The following JMJD1C variants were observed in gnomAD, a reference collection of about 807,000 sequenced individuals.
JMJD1C encodes the protein jumonji domain containing 1C, also known as jumonji domain-containing protein 1C.
JMJD1C carries 31 observed loss-of-function variants against 245.3 expected under a neutral mutation model. That is an observed-to-expected ratio of 0.13 (90% CI 0.09 to 0.17). The LOEUF (loss-of-function observed/expected upper bound fraction) is 0.17. JMJD1C is among the 10% of genes least tolerant of loss of function. The probability of loss-of-function intolerance (pLI) is 1.00; values close to 1 mark genes in which losing one functional copy is unlikely to be tolerated. For missense variants in JMJD1C, 2,691 were observed against 3,000.2 expected (o/e 0.90, Z 2.41); for synonymous variants, 1,057 against 1,017.4 (o/e 1.04, Z -0.74).
intron 3 of JMJD1C, among the ~76,000 whole-genome samples, chr10:63,250,192 T>C (rs568184403): frequency 6.6e-6 from 1 of 152,166 alleles, no homozygotes; most frequent in African/African-American, 2.4e-5. Context: ...GCTGATTTTA[T>C]TTTTTTGTAG....
chr10:63,355,744 T>C (rs1449527572), intron 2 of JMJD1C, among the ~76,000 whole-genome samples: 1 of 146,144 alleles, frequency 6.8e-6, no homozygotes, highest in East Asian at 2.0e-4. Flanking sequence ...AGTTACTTAT[T>C]AAAAAAAAAA....
chr10:63,169,228 T>C (rs896653477), intron 24 of JMJD1C, among the ~76,000 whole-genome samples: 1 of 152,158 alleles, frequency 6.6e-6, no homozygotes, highest in Admixed American at 6.6e-5. Flanking sequence ...CCAAACAGTT[T>C]TCCCAAGAAG....
intron 2 of JMJD1C, among the ~76,000 whole-genome samples, chr10:63,334,904 C>T (rs563700918): frequency 3.9e-5 from 6 of 152,050 alleles, no homozygotes; most frequent in Non-Finnish European, 8.8e-5. Context: ...GACAGGGTTT[C>T]ACCATGTTGG....
intron 2 of JMJD1C, among the ~76,000 whole-genome samples, chr10:63,376,350 C>T (rs1946741076): frequency 6.6e-6 from 1 of 152,076 alleles, no homozygotes. Flanking sequence ...GGAAAAGCTT[C>T]ATGACATGGA....
chr10:63,455,540 T>C (rs892266061), intron 1 of JMJD1C, among the ~76,000 whole-genome samples: 1 of 152,328 alleles, frequency 6.6e-6, no homozygotes, highest in African/African-American at 2.4e-5. Flanking sequence ...ACACACTGGA[T>C]TCTTATTTAC....
At chr10:63,485,797 T>C (rs2133201078) in intron 1 of JMJD1C, among the ~76,000 whole-genome samples, 1 of 152,296 alleles carries the variant, frequency 6.6e-6, no homozygotes, top group Non-Finnish European at 1.5e-5. Flanking sequence ...TTAACTTACT[T>C]AGTAAATACT....
intron 1 of JMJD1C, among the ~76,000 whole-genome samples, chr10:63,434,023 G>A (rs894352806): frequency 4.6e-5 from 7 of 151,872 alleles, no homozygotes; most frequent in Non-Finnish European, 7.4e-5. Flanking sequence ...CAGTATAAAC[G>A]TATCAAGAGA....
chr10:63,428,746 T>C (rs928147652), intron 1 of JMJD1C, among the ~76,000 whole-genome samples: 11 of 152,326 alleles, frequency 7.2e-5, no homozygotes, highest in Middle Eastern at 6.8e-3. Flanking sequence ...AAAATGCTAA[T>C]TGTTCAATAC....
At chr10:63,479,074 A>C (rs1458997656) in intron 1 of JMJD1C, among the ~76,000 whole-genome samples, 2 of 152,178 alleles carry the variant, frequency 1.3e-5, no homozygotes, top group Non-Finnish European at 2.9e-5. Flanking sequence ...TAGACACTGA[A>C]TTATATCACT....
chr10:63,203,938 G>C, intron 10 of JMJD1C: 2 of 977,734 alleles, frequency 2.0e-6, no homozygotes, highest in Non-Finnish European at 2.4e-6. Context: ...CCATGAAGTA[G>C]ATAATCCATT....
intron 2 of JMJD1C, among the ~76,000 whole-genome samples, chr10:63,314,615 G>A (rs1939690069): frequency 6.6e-6 from 1 of 151,750 alleles, no homozygotes; most frequent in Admixed American, 6.6e-5. Context: ...TTCTTTGTAA[G>A]GATTCAAAGT....
At chr10:63,357,826 G>GACAGACAGAC (rs1051732036) in intron 2 of JMJD1C, among the ~76,000 whole-genome samples, 2 of 140,436 alleles carry the variant, frequency 1.4e-5, no homozygotes, top group Admixed American at 1.5e-4. Context: ...CAGACAGACA[G>GACAGACAGAC]ACACACACAC....
intron 22 of JMJD1C, among the ~76,000 whole-genome samples, chr10:63,178,884 T>C (rs1014170600): frequency 2.6e-5 from 4 of 152,206 alleles, no homozygotes; most frequent in African/African-American, 7.2e-5. Context: ...TTTAAATAAA[T>C]ATTCTTTTTA....
chr10:63,345,185 A>G (rs145899225), intron 2 of JMJD1C, among the ~76,000 whole-genome samples: 145 of 152,304 alleles, frequency 9.5e-4, no homozygotes, highest in Non-Finnish European at 3.2e-4. Flanking sequence ...CAGAATACTC[A>G]TTAATAAAAG....
At chr10:63,248,730 C>T (rs759862711) in intron 3 of JMJD1C, among the ~76,000 whole-genome samples, 7 of 152,066 alleles carry the variant, frequency 4.6e-5, no homozygotes, top group African/African-American at 1.2e-4. Flanking sequence ...ACTGGATATA[C>T]ATCCAAAAGA....
chr10:63,402,187 A>C (rs1484288606), intron 1 of JMJD1C, among the ~76,000 whole-genome samples: 2 of 152,086 alleles, frequency 1.3e-5, no homozygotes, highest in African/African-American at 2.4e-5. Flanking sequence ...TTTCAAAAGC[A>C]AACATACAAA....
intron 1 of JMJD1C, among the ~76,000 whole-genome samples, chr10:63,500,187 C>T (rs115338452): frequency 0.013 from 2,029 of 152,198 alleles, 30 homozygotes; most frequent in African/African-American, 0.034. Flanking sequence ...TGTGGGAGGC[C>T]GAGGCGGGAG....
At chr10:63,303,836 CTTG>C (rs1358649321) in intron 2 of JMJD1C, among the ~76,000 whole-genome samples, 1 of 152,130 alleles carries the variant, frequency 6.6e-6, no homozygotes, top group East Asian at 1.9e-4. Context: ...TTAATAATAG[CTTG>C]TTATCTTTGC....
At chr10:63,301,753 T>G (rs1860106827) in intron 2 of JMJD1C, 1 of 452,122 alleles carries the variant, frequency 2.2e-6, no homozygotes, top group South Asian at 1.6e-5. Context: ...CCATGGCACG[T>G]GTATACATAC....
Sources: allele counts gnomAD v4.1 joint callset (sites outside exome capture counted in the v4.1 genomes callset), GRCh38; gene constraint gnomAD v4.1.1; transcripts MANE v1.5; gene names NCBI Gene and HGNC (gene_info 2026-07-23, HGNC 2026-07-21).